Variants in ACACB observed in about 807,000 individuals in gnomAD.
ACACB encodes the protein acetyl-CoA carboxylase beta.
Under a neutral mutation model 278.8 loss-of-function variants are expected in ACACB, and 209 were observed. The ratio of observed to expected loss-of-function variants is 0.75; its 90% CI spans 0.67 to 0.84. The LOEUF is 0.84. ACACB is among the 40% of genes least tolerant of loss of function. The pLI, the probability that ACACB is intolerant of heterozygous loss-of-function variation, is 0.00. For missense variants in ACACB, 2,850 were observed against 3,269.0 expected (o/e 0.87, Z 3.13); for synonymous variants, 1,174 against 1,285.6 (o/e 0.91, Z 1.86).
intron 7 of ACACB, among the ~76,000 whole-genome samples, chr12:109,174,551 A>G (rs2044222255): frequency 6.6e-6 from 1 of 150,630 alleles, no homozygotes; most frequent in African/African-American, 2.4e-5. Context: ...TCTTTGGGAA[A>G]AAAAAAAAAA....
rs1266617876 is a variant in ACACB at position 109,179,191 on chromosome 12, T to A, written c.1541T>A (p.Val514Glu). Reference protein sequence around the residue: ...QILADQYGNAVSLFGRDCSIQ... With the variant: ...QILADQYGNAESLFGRDCSIQ... Reference sequence around the variant, plus strand: ...CTCGCTGACCAGTATGGGAATGCTGTGTCTCTGTTTGGTCGCGACTGCTCC... The same window carrying A: ...CTCGCTGACCAGTATGGGAATGCTGAGTCTCTGTTTGGTCGCGACTGCTCC... The change falls in exon 10 of 53, where the codon GTG becomes GAG. Residue 514 changes from valine (V) to glutamate (E), a missense_variant. Physicochemically the swap from Val to Glu is moderately radical, Grantham distance 121 (BLOSUM62 -2). Transcript: ENST00000338432. 6.2e-7 allele frequency: 1 copy of A among 1,614,162 alleles called. No homozygotes were observed. Among genetic ancestry groups the A allele is most frequent in the East Asian group, 2.2e-5 (1 of 44,886 alleles).
chr12:109,149,816 G>A (rs1196278227), intron 2 of ACACB, among the ~76,000 whole-genome samples: 5 of 152,162 alleles, frequency 3.3e-5, no homozygotes, highest in Admixed American at 1.3e-4. Context: ...CTGTCCTTAG[G>A]GAGACCAGGG....
chr12:109,212,527 C>T (rs2045878403), intron 21 of ACACB, among the ~76,000 whole-genome samples: 1 of 152,130 alleles, frequency 6.6e-6, no homozygotes, highest in African/African-American at 2.4e-5. Context: ...ATTATCGTAA[C>T]GAGCATGCAA....
intron 1 of ACACB, among the ~76,000 whole-genome samples, chr12:109,133,965 C>T (rs1361948864): frequency 6.8e-6 from 1 of 147,286 alleles, no homozygotes; most frequent in Non-Finnish European, 1.5e-5. Flanking sequence ...GTTGCCCAGG[C>T]TGGAGTGCAT....
chr12:109,171,883 T>C lies in ACACB; in HGVS notation c.1004T>C (p.Ile335Thr), dbSNP rs1223408099. ...NNNNYANVEL[I>T]VDIAKRIPVQ... ...AACAACTATGCCAACGTGGAGCTGATTGTGGACATTGCCAAGAGAATCCCC... is the reference window on the plus strand; with the variant it reads ...AACAACTATGCCAACGTGGAGCTGACTGTGGACATTGCCAAGAGAATCCCC... Residue 335 changes from isoleucine to threonine, a missense_variant, in exon 5 of 53, where the codon ATT becomes ACT. By Grantham distance (89) the Ile-to-Thr change is moderately conservative. This residue lies in a region of ACACB where 2,265 missense variants were observed against 2,561.3 expected (regional missense o/e 0.88). Transcript: ENST00000338432. The C allele has an allele frequency of 6.2e-7, 1 of 1,614,122 alleles. No individual in the cohort carries two copies.
Position 109,246,215 on chromosome 12 carries a change from C to T in ACACB, c.5338C>T (p.Gln1780Ter), listed in dbSNP as rs138629237. ...MVAFKMRFKT[Q>*]EYPEGRDVIV... The stretch of plus-strand genomic sequence containing the variant: ...GGCCTTCAAAATGAGGTTTAAGACC[C>T]AGGAGTACCCGGAAGGACGGGATGT... Residue 1780 changes from glutamine to a stop codon, truncating the protein, a stop_gained, in exon 39 of 53, where the codon CAG (glutamine) becomes TAG (stop). Coordinates refer to ENST00000338432, the MANE Select transcript of ACACB (RefSeq NM_001093.4). LOFTEE classifies it high-confidence loss of function. The T allele has an allele frequency of 3.7e-6, 6 of 1,613,680 alleles. No homozygotes were observed. Among genetic ancestry groups the T allele is most frequent in the African/African-American group, 1.3e-5 (1 of 74,764 alleles).
intron 24 of ACACB, among the ~76,000 whole-genome samples, chr12:109,219,760 C>T (rs535914258): frequency 6.6e-6 from 1 of 152,202 alleles, no homozygotes; most frequent in East Asian, 1.9e-4. Context: ...TAGGTGATTA[C>T]TATGGGTTTT....
Position 109,247,668 on chromosome 12 carries a change from CCACTGTAAA to C in ACACB, c.5638_5646del (p.Cys1880_His1882del), listed in dbSNP as rs781371008. 1 of 1,613,884 alleles carries C rather than the reference CCACTGTAAA, an allele frequency of 6.2e-7. No homozygotes were observed. Among genetic ancestry groups the C allele is most frequent in the South Asian group, 1.1e-5 (1 of 91,080 alleles). On this transcript the variant is annotated inframe_deletion, in exon 40 of 53. Coordinates refer to ENST00000338432, the MANE Select transcript of ACACB (RefSeq NM_001093.4). Reference sequence around the variant, plus strand: ...CCAGAATCAGCTCCCTGAACTCCGTCCACTGTAAACACATCGAGGAAGGAGGAGAGTCCA... The same window carrying C: ...CCAGAATCAGCTCCCTGAACTCCGTCCACATCGAGGAAGGAGGAGAGTCCA...
chr12:109,140,825 A>G (rs2043104205), intron 2 of ACACB, among the ~76,000 whole-genome samples: 1 of 148,556 alleles, frequency 6.7e-6, no homozygotes, highest in Non-Finnish European at 1.5e-5. Flanking sequence ...GCCACAAGTG[A>G]TGATGGTAGT....
chr12:109,187,374 A>C (rs542281199), intron 12 of ACACB, among the ~76,000 whole-genome samples: 1 of 152,252 alleles, frequency 6.6e-6, no homozygotes, highest in South Asian at 2.1e-4. Context: ...AGCTCCATCA[A>C]TCATCAATGT....
At chr12:109,162,903 T>C (rs1440677852) in intron 2 of ACACB, among the ~76,000 whole-genome samples, 3 of 152,188 alleles carry the variant, frequency 2.0e-5, no homozygotes, top group Non-Finnish European at 4.4e-5. Flanking sequence ...AAGGCTTCCC[T>C]GACATTTGGG....
intron 27 of ACACB, among the ~76,000 whole-genome samples, chr12:109,224,578 G>A (rs980920032): frequency 6.6e-6 from 1 of 151,692 alleles, no homozygotes; most frequent in African/African-American, 2.4e-5. Context: ...TGTGCCTAGG[G>A]TGGAGTGCAG....
intron 39 of ACACB, among the ~76,000 whole-genome samples, chr12:109,247,327 G>C (rs557579195): frequency 5.5e-4 from 84 of 152,128 alleles, no homozygotes; most frequent in Non-Finnish European, 9.3e-4. Flanking sequence ...TGTAAATAGT[G>C]GTTAAACAGT....
At chr12:109,186,292 C>T (rs1171950683) in intron 12 of ACACB, among the ~76,000 whole-genome samples, 1 of 152,172 alleles carries the variant, frequency 6.6e-6, no homozygotes, top group Non-Finnish European at 1.5e-5. Context: ...TGTCTCACTG[C>T]TCACTTATAG....
chr12:109,153,047 C>T (rs112937178), intron 2 of ACACB, among the ~76,000 whole-genome samples: 8,134 of 152,122 alleles, frequency 0.053, 305 homozygotes, highest in Non-Finnish European at 0.076. Flanking sequence ...AATGCAGTGG[C>T]CTGATCTCGG....
chr12:109,237,673 A>G (rs2046670780), intron 34 of ACACB, among the ~76,000 whole-genome samples: 1 of 152,102 alleles, frequency 6.6e-6, no homozygotes, highest in South Asian at 2.1e-4. Flanking sequence ...ATTTCTTAAT[A>G]TTTGCTGACT....
chr12:109,142,458 C>T (rs1008833135), intron 2 of ACACB, among the ~76,000 whole-genome samples: 5 of 152,308 alleles, frequency 3.3e-5, no homozygotes, highest in African/African-American at 1.2e-4. Context: ...CACCCACTGT[C>T]TTCCTGCCAC....
intron 2 of ACACB, among the ~76,000 whole-genome samples, chr12:109,156,003 C>G (rs1307291084): frequency 6.6e-6 from 1 of 152,202 alleles, no homozygotes; most frequent in Non-Finnish European, 1.5e-5. Context: ...TTGCCAATCC[C>G]TGCCTACAAC....
intron 44 of ACACB, 132 bp downstream of exon 44, chr12:109,254,466 C>A: frequency 1.1e-6 from 1 of 931,974 alleles, no homozygotes. Flanking sequence ...AGAGGTATAC[C>A]TGAAATCAAA....
Sources: gnomAD v4.1 joint callset for allele counts (sites outside exome capture counted in the v4.1 genomes callset) on GRCh38, gnomAD v4.1.1 for gene constraint, gnomAD v4.1.1 regional missense constraint, MANE v1.5 for transcripts, NCBI Gene and HGNC (gene_info 2026-07-23, HGNC 2026-07-21) for gene names.